FAM120B: variants seen among roughly 807,000 people sequenced by gnomAD.
The protein encoded by FAM120B is constitutive coactivator of peroxisome proliferator-activated receptor gamma.
FAM120B carries 83 observed loss-of-function variants against 96.3 expected under a neutral mutation model. That is an observed-to-expected ratio of 0.86 (90% confidence interval 0.72 to 1.03). The LOEUF (loss-of-function observed/expected upper bound fraction) is 1.03. FAM120B is among the 50% of genes least tolerant of loss of function. The pLI, the probability that FAM120B is intolerant of heterozygous loss-of-function variation, is 0.00. For synonymous variants in FAM120B, 407 were observed against 402.7 expected, an observed-to-expected ratio of 1.01 and a Z score of -0.13; for missense variants, 1,027 against 1,121.2, an observed-to-expected ratio of 0.92 and a Z score of 1.20.
chr6:170,297,426 C>T (rs568627057), intron 1 of FAM120B, among the ~76,000 whole-genome samples: 3 of 152,382 alleles, frequency 2.0e-5, no homozygotes, highest in South Asian at 2.1e-4. Context: ...GACGTGGCCA[C>T]AATGAGCGGC....
In FAM120B at chr6:170,370,149, C is replaced by T. The variant is rs897290268; in HGVS notation, c.2283+11831C>T. ...AGGTGAGACGGAGACTCTCAGTTGC[C>T]CTTGAGCTTTCCTGGCCCTGCTCTC... On this transcript the variant is annotated intron_variant, in intron 6 of 10. Coordinates refer to ENST00000476287, the MANE Select transcript of FAM120B (RefSeq NM_032448.3). The surrounding 1 kb of genome is among the most constrained non-coding windows in gnomAD (Gnocchi z 4.3). 6.6e-6 allele frequency among the ~76,000 whole-genome samples: 1 copy of T among 152,150 alleles called. No homozygotes were observed. The highest frequency in any genetic ancestry group is 2.4e-5 in the African/African-American group (1 of 41,424).
intron 1 of FAM120B, among the ~76,000 whole-genome samples, chr6:170,315,259 G>A (rs1371018007): frequency 6.6e-6 from 1 of 152,202 alleles, no homozygotes; most frequent in East Asian, 1.9e-4. Flanking sequence ...TGCAAGGCCT[G>A]TTTAAATTAA....
intron 8 of FAM120B, among the ~76,000 whole-genome samples, chr6:170,393,471 G>A (rs1790577924): frequency 6.6e-6 from 1 of 152,264 alleles, no homozygotes; most frequent in Non-Finnish European, 1.5e-5. Context: ...CATACAAATG[G>A]GCAGAAATCA....
upstream of FAM120B, among the ~76,000 whole-genome samples, chr6:170,301,881 C>T (rs150998664): frequency 6.6e-6 from 1 of 152,336 alleles, no homozygotes; most frequent in African/African-American, 2.4e-5. Flanking sequence ...TCTAAACTTT[C>T]CCACCTGTTC....
intron 8 of FAM120B, among the ~76,000 whole-genome samples, chr6:170,393,930 C>T (rs947118267): frequency 3.3e-5 from 5 of 152,266 alleles, no homozygotes; most frequent in African/African-American, 1.2e-4. Context: ...GGTGTGTTGG[C>T]CTCTGGACCC....
At chr6:170,353,628 A>G (rs1436250953) in intron 5 of FAM120B, among the ~76,000 whole-genome samples, 1 of 152,062 alleles carries the variant, frequency 6.6e-6, no homozygotes, top group Non-Finnish European at 1.5e-5. Flanking sequence ...ATTCCTATAC[A>G]CCAACAACAG....
At chr6:170,395,674 AG>A in intron 9 of FAM120B, 95 bp downstream of exon 9, 2 of 830,808 alleles carry the variant, frequency 2.4e-6, no homozygotes, top group Non-Finnish European at 4.0e-6. Flanking sequence ...TGTTTCAGAA[AG>A]GTTGTATAGT....
At chr6:170,309,699 A>G (rs1489308904) in intron 1 of FAM120B, among the ~76,000 whole-genome samples, 1 of 152,272 alleles carries the variant, frequency 6.6e-6, no homozygotes, top group Non-Finnish European at 1.5e-5. Flanking sequence ...AAATTATTAT[A>G]AAGTCATTTA....
chr6:170,308,195 TAGTG>T (rs1301291502), intron 1 of FAM120B, among the ~76,000 whole-genome samples: 1 of 152,218 alleles, frequency 6.6e-6, no homozygotes, highest in African/African-American at 2.4e-5. Flanking sequence ...GCTCCATCAT[TAGTG>T]AGTGTTTCCC....
At chr6:170,326,250 A>AT (rs563162322) in intron 3 of FAM120B, among the ~76,000 whole-genome samples, 247 of 152,220 alleles carry the variant, frequency 1.6e-3, no homozygotes, top group African/African-American at 5.6e-3. Context: ...CAGTTGTGCC[A>AT]TTTTTTACAT....
intron 6 of FAM120B, among the ~76,000 whole-genome samples, chr6:170,367,694 G>A (rs1193395499): frequency 1.3e-5 from 2 of 152,260 alleles, no homozygotes; most frequent in Non-Finnish European, 2.9e-5. Context: ...AATGTAGCAA[G>A]TTTTAAAGAC....
In FAM120B at chr6:170,370,899, A is replaced by G. The variant is rs1789145308; in HGVS notation, c.2283+12581A>G. On this transcript the variant is annotated intron_variant, in intron 6 of 10. Transcript: ENST00000476287. This position sits in a 1 kb window ranked among gnomAD's most constrained non-coding sequence, Gnocchi z 4.3. ...ATTTGCAGCACTTGGCCCTGTGTGC[A>G]GGCGGGAGTCAACACTGAGCCACCA... Among the ~76,000 whole-genome samples the G allele has an allele frequency of 6.6e-6, 1 of 152,174 alleles. No individual in the cohort carries two copies. Among genetic ancestry groups the G allele is most frequent in the Admixed American group, 6.5e-5 (1 of 15,282 alleles).
At chr6:170,366,186 G>T (rs1310726857) in intron 6 of FAM120B, among the ~76,000 whole-genome samples, 1 of 152,188 alleles carries the variant, frequency 6.6e-6, no homozygotes, top group African/African-American at 2.4e-5. Flanking sequence ...CTAAATCGTT[G>T]TTCTTGGGAG....
chr6:170,322,552 G>A (rs114663785), intron 2 of FAM120B, among the ~76,000 whole-genome samples: 1,735 of 152,294 alleles, frequency 0.011, 22 homozygotes, highest in African/African-American at 0.036. Flanking sequence ...TGTTGAGACT[G>A]AATTATGGCT....
rs749912717 is a variant in FAM120B, at chr6:170,395,501, CAG to C, written c.2615_2616del (p.Gln872ArgfsTer12). 5 of 1,595,460 alleles carry C rather than the reference CAG, an allele frequency of 3.1e-6. No homozygotes were observed. The highest frequency in any genetic ancestry group is 4.3e-6 in the Non-Finnish European group (5 of 1,171,054). ...GSHHAGRWGRQGSSYHRTGSG... is the reference protein window; with the variant it reads ...GSHHAGRWGRXGSSYHRTGSG... ...TGTTCCCACAGGGAGGTGGGGAAGA[CAG>C]GGCTCCAGCTACCACAGGACGGGCT... is the stretch of plus-strand genomic sequence containing the variant. On this transcript the variant is annotated frameshift_variant, in exon 9 of 11. Transcript: ENST00000476287. LOFTEE classifies it high-confidence loss of function.
At chr6:170,345,463 A>G (rs1457511096) in intron 4 of FAM120B, among the ~76,000 whole-genome samples, 1 of 152,206 alleles carries the variant, frequency 6.6e-6, no homozygotes, top group Non-Finnish European at 1.5e-5. Context: ...AACTCCTGTC[A>G]TAAAACCTTC....
intron 4 of FAM120B, among the ~76,000 whole-genome samples, chr6:170,337,882 T>C (rs2115096564): frequency 6.6e-6 from 1 of 152,294 alleles, no homozygotes; most frequent in South Asian, 2.1e-4. Context: ...TGATATCCCC[T>C]TTATCATTTT....
intron 5 of FAM120B, among the ~76,000 whole-genome samples, chr6:170,352,613 G>A (rs1787651734): frequency 6.6e-6 from 1 of 152,178 alleles, no homozygotes; most frequent in Non-Finnish European, 1.5e-5. Context: ...TTGAACTCAA[G>A]ATTAAGAAAT....
intron 9 of FAM120B, among the ~76,000 whole-genome samples, chr6:170,397,885 C>A (rs1778266870): frequency 6.6e-6 from 1 of 152,194 alleles, no homozygotes. Flanking sequence ...AGAGCCACAG[C>A]CTCTCTTTCG....
Sources: gnomAD v4.1 joint callset for allele counts (sites outside exome capture counted in the v4.1 genomes callset) on GRCh38, gnomAD v4.1.1 for gene constraint, Gnocchi (gnomAD v3.1) non-coding constraint, MANE v1.5 for transcripts, NCBI Gene and HGNC (gene_info 2026-07-23, HGNC 2026-07-21) for gene names.